Variants in GAB1 observed in about 807,000 individuals in gnomAD.
The protein encoded by GAB1 is GRB2 associated binding protein 1, also known as GRB2-associated-binding protein 1.
GAB1 carries 19 observed loss-of-function variants against 66.5 expected under a neutral mutation model. The ratio of observed to expected loss-of-function variants is 0.29; its 90% CI spans 0.20 to 0.42. The LOEUF (loss-of-function observed/expected upper bound fraction) is 0.42. GAB1 is among the 10% of genes least tolerant of loss of function. GAB1 has a pLI of 1.00. For missense variants in GAB1, 732 were observed against 858.5 expected (o/e 0.85, Z 1.84); for synonymous variants, 294 against 301.4 (o/e 0.98, Z 0.25).
At chr4:143,413,368 A>G (rs1380816263) in intron 1 of GAB1, among the ~76,000 whole-genome samples, 1 of 152,210 alleles carries the variant, frequency 6.6e-6, no homozygotes. Context: ...TGCTAAAATC[A>G]TGTGAATCCA....
chr4:143,425,941 C>T (rs868815489), intron 2 of GAB1: 30 of 983,750 alleles, frequency 3.0e-5, no homozygotes, highest in Middle Eastern at 2.8e-4. Context: ...GCTGTTCTTG[C>T]ACGGGTTCTT....
At chr4:143,432,771 C>T (rs1267703902) in intron 2 of GAB1, among the ~76,000 whole-genome samples, 1 of 152,152 alleles carries the variant, frequency 6.6e-6, no homozygotes, top group Non-Finnish European at 1.5e-5. Context: ...TTTCAAATTG[C>T]TTCATTCTGC....
chr4:143,381,174 A>C (rs538888847), intron 1 of GAB1, among the ~76,000 whole-genome samples: 3 of 152,340 alleles, frequency 2.0e-5, no homozygotes, highest in Admixed American at 6.5e-5. Context: ...GCATTAAGCA[A>C]GTTACTGAAA....
intron 1 of GAB1, among the ~76,000 whole-genome samples, chr4:143,354,751 T>C (rs1320026482): frequency 2.0e-5 from 3 of 152,222 alleles, no homozygotes; most frequent in Admixed American, 6.5e-5. Context: ...TTTTAAGTTA[T>C]AATTTTTAAT....
At position 143,358,838 on chromosome 4, in the gene GAB1, G is replaced by A. The variant is rs537544198; in HGVS notation, c.72+21578G>A. Among the ~76,000 whole-genome samples, 6 of 152,274 alleles carry A rather than the reference G, an allele frequency of 3.9e-5. No homozygotes were observed. The East Asian group carries it at 1.2e-3, about 29-fold the overall frequency. ...TGACTTACTAATTGGTATTTGTGGG[G>A]ATACGTAGAATTTTTTGAATTGGTG... On this transcript the variant is annotated intron_variant, in intron 1 of 9. Coordinates refer to ENST00000262994, the MANE Select transcript of GAB1 (RefSeq NM_002039.4).
At chr4:143,399,330 GT>G (rs1050259746) in intron 1 of GAB1, among the ~76,000 whole-genome samples, 2 of 152,210 alleles carry the variant, frequency 1.3e-5, no homozygotes, top group African/African-American at 4.8e-5. Context: ...CAAGGAAATA[GT>G]TAAACCTACC....
At chr4:143,370,026 A>T (rs951566700) in intron 1 of GAB1, among the ~76,000 whole-genome samples, 1 of 152,248 alleles carries the variant, frequency 6.6e-6, no homozygotes, top group Admixed American at 6.5e-5. Flanking sequence ...GTGGTCAAAC[A>T]AAAATGGCAT....
chr4:143,385,993 C>A (rs1730886160), intron 1 of GAB1, among the ~76,000 whole-genome samples: 1 of 151,308 alleles, frequency 6.6e-6, no homozygotes, highest in South Asian at 2.1e-4. Context: ...TTAAAAAAAA[C>A]TAACCAGGCG....
chr4:143,347,108 A>G (rs1427351919), intron 1 of GAB1, among the ~76,000 whole-genome samples: 2 of 152,240 alleles, frequency 1.3e-5, no homozygotes, highest in Non-Finnish European at 2.9e-5. Flanking sequence ...TTATGGCTTC[A>G]TTTATCATTC....
chr4:143,435,797 T>C (rs1466735059), intron 3 of GAB1, among the ~76,000 whole-genome samples: 1 of 152,160 alleles, frequency 6.6e-6, no homozygotes, highest in Non-Finnish European at 1.5e-5. Flanking sequence ...TATACCAGAG[T>C]TGCCTTGCAA....
At chr4:143,398,235 A>G (rs1731557729) in intron 1 of GAB1, among the ~76,000 whole-genome samples, 1 of 152,248 alleles carries the variant, frequency 6.6e-6, no homozygotes, top group Non-Finnish European at 1.5e-5. Context: ...CAAAATTACC[A>G]TACTAATGCA....
chr4:143,416,767 C>G (rs1732713536), intron 2 of GAB1, among the ~76,000 whole-genome samples: 1 of 152,164 alleles, frequency 6.6e-6, no homozygotes, highest in Non-Finnish European at 1.5e-5. Context: ...GAGCAAGATG[C>G]CGTCTCAAAA....
At chr4:143,457,058 C>T (rs1284733555) in intron 6 of GAB1, among the ~76,000 whole-genome samples, 1 of 152,174 alleles carries the variant, frequency 6.6e-6, no homozygotes, top group Non-Finnish European at 1.5e-5. Context: ...CATTGGGCAA[C>T]CAGTGAGTAT....
intron 1 of GAB1, among the ~76,000 whole-genome samples, chr4:143,365,947 C>G (rs1729866304): frequency 6.6e-6 from 1 of 152,148 alleles, no homozygotes; most frequent in Non-Finnish European, 1.5e-5. Context: ...AGGCAGAAGT[C>G]TTTCTTTCTG....
At chr4:143,450,340 T>G (rs562843123) in intron 6 of GAB1, among the ~76,000 whole-genome samples, 1 of 152,312 alleles carries the variant, frequency 6.6e-6, no homozygotes, top group African/African-American at 2.4e-5. Context: ...AGTAGTAGCA[T>G]AATCTGCAAA....
At position 143,433,606 on chromosome 4, in the gene GAB1, A is replaced by T; in HGVS notation, c.483A>T (p.Pro161=). The change falls in exon 3 of 10, where the codon CCA becomes CCT. Residue 161 remains proline, a synonymous_variant. Transcript: ENST00000262994. The stretch of plus-strand genomic sequence containing the variant: ...CATCCTCTGCTACTCTACCTCCTCC[A>T]TATCAGCTAATCAATGTTCCACCAC... The part of the protein sequence containing the change: ...ADSSSATLPP[P]YQLINVPPHL... The T allele has an allele frequency of 1.2e-6, 2 of 1,613,902 alleles. No homozygotes were observed. The highest frequency in any genetic ancestry group is 1.6e-4 in the Middle Eastern group (1 of 6,062).
At chr4:143,350,833 A>G (rs1047214403) in intron 1 of GAB1, among the ~76,000 whole-genome samples, 15 of 152,230 alleles carry the variant, frequency 9.9e-5, no homozygotes, top group African/African-American at 3.6e-4. Context: ...CTGTTTGACT[A>G]CTACGCACAT....
intron 1 of GAB1, among the ~76,000 whole-genome samples, chr4:143,356,969 T>C (rs1298488838): frequency 6.6e-6 from 1 of 152,218 alleles, no homozygotes; most frequent in Non-Finnish European, 1.5e-5. Flanking sequence ...ACTTTCTCTT[T>C]CTACCACCTT....
intron 2 of GAB1, among the ~76,000 whole-genome samples, chr4:143,428,198 T>C (rs1270009159): frequency 6.6e-6 from 1 of 152,202 alleles, no homozygotes; most frequent in Non-Finnish European, 1.5e-5. Flanking sequence ...CCTTTTAACT[T>C]CCATTATTGT....
Sources: gnomAD v4.1 joint callset for allele counts (sites outside exome capture counted in the v4.1 genomes callset) on GRCh38, gnomAD v4.1.1 for gene constraint, MANE v1.5 for transcripts, NCBI Gene and HGNC (gene_info 2026-07-23, HGNC 2026-07-21) for gene names.